IFT74: variants seen among roughly 807,000 people sequenced by gnomAD.
The protein encoded by IFT74 is intraflagellar transport 74, also known as intraflagellar transport protein 74 homolog.
In IFT74, 92 loss-of-function variants were observed where a neutral mutation model predicts 96.7. That is an observed-to-expected ratio of 0.95 (90% CI 0.80 to 1.13). The LOEUF (loss-of-function observed/expected upper bound fraction) is 1.13, where lower values mean the gene tolerates loss of function less well. Among genes scored for constraint, IFT74 ranks in the 50% most tolerant of loss-of-function variants. The probability of loss-of-function intolerance (pLI) is 0.00; values close to 1 mark genes in which losing one functional copy is unlikely to be tolerated. For synonymous variants in IFT74, 223 were observed against 213.2 expected, an observed-to-expected ratio of 1.05 and a Z score of -0.40; for missense variants, 811 against 698.2, an observed-to-expected ratio of 1.16 and a Z score of -1.82.
intron 16 of IFT74, among the ~76,000 whole-genome samples, chr9:27,054,346 A>G (rs1820065773): frequency 6.6e-6 from 1 of 152,148 alleles, no homozygotes; most frequent in East Asian, 1.9e-4. Context: ...TGAAAGGCAT[A>G]TCTTTAGAGA....
At chr9:26,948,482 T>C (rs1825827998) in intron 1 of IFT74, among the ~76,000 whole-genome samples, 4 of 98,050 alleles carry the variant, frequency 4.1e-5, no homozygotes. Flanking sequence ...TTTTTTTTTT[T>C]TTTTTTGAGA....
At position 27,040,532 on chromosome 9, in the gene IFT74, G is replaced by A. The variant is rs569056534; in HGVS notation, c.1055-4210G>A. ...TGCACTCCAGCCTGGGCAACAGAAC[G>A]AGACACTGTCTCAAAAAAAAAAAAA... On this transcript the variant is annotated intron_variant, in intron 13 of 19. Transcript: ENST00000380062. 3.9e-3 allele frequency among the ~76,000 whole-genome samples: 457 copies of A among 118,590 alleles called. 1 individual carries two copies. Among genetic ancestry groups the A allele is most frequent in the African/African-American group, 0.015 (425 of 27,924 alleles). 77.8% of individuals were successfully genotyped at this position (118,590 alleles called of 152,430 possible). A position where few individuals can be genotyped will look rare whatever the true frequency, so the allele number is the denominator to read the frequency against.
At position 27,063,675 on chromosome 9, in the gene IFT74, G is replaced by A. The variant is rs1820521548; in HGVS notation, c.*939G>A. On this transcript the variant is annotated 3_prime_UTR_variant, in exon 20 of 20. Transcript: ENST00000380062. ...GTTCACTAAGTAACTCTACTTTTCAGTATTTCTGAAACAACACATTGATTT... is the reference window on the plus strand; with the variant it reads ...GTTCACTAAGTAACTCTACTTTTCAATATTTCTGAAACAACACATTGATTT... 6.6e-6 allele frequency among the ~76,000 whole-genome samples: 1 copy of A among 151,936 alleles called. No individual in the cohort carries two copies. Among genetic ancestry groups the A allele is most frequent in the Admixed American group, 6.6e-5 (1 of 15,242 alleles).
At chr9:26,979,007 G>T (rs1018822629) in intron 3 of IFT74, among the ~76,000 whole-genome samples, 1 of 151,992 alleles carries the variant, frequency 6.6e-6, no homozygotes, top group Admixed American at 6.6e-5. Context: ...AGTAGCCTGT[G>T]GTGAGCTGTT....
At chr9:26,958,820 C>T (rs1759128277) in intron 1 of IFT74, among the ~76,000 whole-genome samples, 1 of 151,770 alleles carries the variant, frequency 6.6e-6, no homozygotes, top group Non-Finnish European at 1.5e-5. Context: ...GATAAGGGGG[C>T]CCAAGGGGAG....
chr9:26,971,164 G>A (rs563898801), intron 2 of IFT74, among the ~76,000 whole-genome samples: 113 of 152,196 alleles, frequency 7.4e-4, no homozygotes, highest in Non-Finnish European at 1.3e-3. Flanking sequence ...AGTGAGTAAA[G>A]TGATTCACTA....
At chr9:27,011,852 C>G in intron 9 of IFT74, 54 bp from the exon 10 acceptor site, 1 of 1,267,308 alleles carries the variant, frequency 7.9e-7, no homozygotes, top group Non-Finnish European at 1.1e-6. Flanking sequence ...CCCACTACAA[C>G]AAATTATTCT....
At position 27,016,911 on chromosome 9, in the gene IFT74, T is replaced by A; in HGVS notation, c.794T>A (p.Ile265Lys). The A allele has an allele frequency of 1.3e-6, 2 of 1,594,974 alleles. No individual in the cohort carries two copies. The highest frequency in any genetic ancestry group is 3.6e-5 in the Admixed American group (2 of 55,476). ...NMKKESLEAE[I>K]AHSQVKQEAV... Reference sequence around the variant, plus strand: ...TCCCTTCTTATTTTCCTTTAGGAAATAGCTCACTCCCAGGTGAAACAGGAG... The same window carrying A: ...TCCCTTCTTATTTTCCTTTAGGAAAAAGCTCACTCCCAGGTGAAACAGGAG... The change falls in exon 11 of 20, where the codon ATA becomes AAA. Residue 265 changes from isoleucine to lysine, a missense_variant. By Grantham distance (102) the Ile-to-Lys change is moderately radical. Coordinates refer to ENST00000380062, the MANE Select transcript of IFT74 (RefSeq NM_025103.4).
chr9:27,050,024 C>A (rs754289250), intron 16 of IFT74, among the ~76,000 whole-genome samples: 1 of 152,018 alleles, frequency 6.6e-6, no homozygotes, highest in African/African-American at 2.4e-5. Flanking sequence ...TTTATCTTCA[C>A]GACATTTCAA....
At chr9:27,018,616 T>A (rs757545877) in intron 11 of IFT74, 31 bp from the exon 12 acceptor site, 5 of 1,320,600 alleles carry the variant, frequency 3.8e-6, no homozygotes, top group South Asian at 1.4e-5. Flanking sequence ...GTTATTTTTT[T>A]AAATACTACT....
chr9:26,963,735 T>G (rs1032644044), intron 2 of IFT74, among the ~76,000 whole-genome samples: 2 of 152,216 alleles, frequency 1.3e-5, no homozygotes, highest in African/African-American at 4.8e-5. Context: ...TTTCATGTGT[T>G]TTTTGGCTGC....
intron 6 of IFT74, among the ~76,000 whole-genome samples, chr9:26,986,713 C>T (rs756035676): frequency 2.6e-5 from 4 of 151,832 alleles, no homozygotes; most frequent in African/African-American, 9.7e-5. Flanking sequence ...GCCTCAAACT[C>T]CTGGGCACAA....
chr9:27,048,359 A>C, intron 16 of IFT74, 85 bp downstream of exon 16: 1 of 939,246 alleles, frequency 1.1e-6, no homozygotes, highest in Non-Finnish European at 1.5e-6. Context: ...CCTCATTGAC[A>C]GAGGCTATAA....
intron 14 of IFT74, 45 bp downstream of exon 14, chr9:27,044,840 T>G: frequency 8.6e-7 from 1 of 1,159,296 alleles, no homozygotes; most frequent in Non-Finnish European, 1.2e-6. Flanking sequence ...ATTTTCAGAT[T>G]GCTGTTCATT....
intron 2 of IFT74, among the ~76,000 whole-genome samples, chr9:26,970,831 G>C (rs894818534): frequency 6.6e-6 from 1 of 152,166 alleles, no homozygotes; most frequent in Non-Finnish European, 1.5e-5. Context: ...CTTTTCAAGG[G>C]GTGGTTGTGA....
At chr9:26,953,451 A>T (rs1825994199), upstream of IFT74, among the ~76,000 whole-genome samples, 1 of 152,176 alleles carries the variant, frequency 6.6e-6, no homozygotes, top group African/African-American at 2.4e-5. Flanking sequence ...TTCAGTGTGA[A>T]TATATGCTCA....
intron 12 of IFT74, among the ~76,000 whole-genome samples, chr9:27,024,144 C>T (rs976386970): frequency 2.0e-5 from 3 of 152,200 alleles, no homozygotes; most frequent in African/African-American, 7.2e-5. Flanking sequence ...CCTGTAACAT[C>T]CACACTAACC....
intron 1 of IFT74, among the ~76,000 whole-genome samples, chr9:26,957,678 A>G (rs1826175219): frequency 1.3e-5 from 2 of 152,238 alleles, no homozygotes; most frequent in African/African-American, 4.8e-5. Context: ...ATGACTGTAG[A>G]AAGGATAGAA....
At chr9:26,970,058 G>A (rs1390760561) in intron 2 of IFT74, among the ~76,000 whole-genome samples, 2 of 151,564 alleles carry the variant, frequency 1.3e-5, no homozygotes, top group African/African-American at 4.8e-5. Flanking sequence ...TGAAAGGTCT[G>A]CTTTTATTCT....
Sources: gnomAD v4.1 joint callset for allele counts (sites outside exome capture counted in the v4.1 genomes callset) on GRCh38, gnomAD v4.1.1 for gene constraint, MANE v1.5 for transcripts, NCBI Gene and HGNC (gene_info 2026-07-23, HGNC 2026-07-21) for gene names.